FMN2: variants seen among roughly 807,000 people sequenced by gnomAD.
FMN2 encodes the protein formin-2.
A neutral mutation model predicts 142.3 loss-of-function variants in FMN2; 51 were observed. That is an observed-to-expected ratio of 0.36 (90% CI 0.29 to 0.45). FMN2 has a LOEUF of 0.45. Among genes scored for constraint, FMN2 ranks in the 20% least tolerant of loss-of-function variants. The pLI is 1.00. For missense variants in FMN2, 1,936 were observed against 2,122.8 expected (o/e 0.91, Z 1.73); for synonymous variants, 882 against 869.8 (o/e 1.01, Z -0.25).
chr1:240,380,619 G>A (rs1673191553), intron 14 of FMN2, among the ~76,000 whole-genome samples: 1 of 151,380 alleles, frequency 6.6e-6, no homozygotes, highest in Admixed American at 6.6e-5. Flanking sequence ...AGCATTAAAT[G>A]CCTACATAAA....
rs181487176 is a variant in FMN2, at chr1:240,213,142, T to C, written c.4065+1907T>C. 2.7e-3 allele frequency among the ~76,000 whole-genome samples: 414 copies of C among 152,356 alleles called. 3 individuals carry two copies. In the South Asian group the frequency reaches 0.027, roughly 10 times the overall value. ...TAGTTGGCATGAAGGGGTCTCAGCATATAAACAGTGCCTCTGTGTTGAGCA... is the reference window on the plus strand; with the variant it reads ...TAGTTGGCATGAAGGGGTCTCAGCACATAAACAGTGCCTCTGTGTTGAGCA... On this transcript the variant is annotated intron_variant, in intron 6 of 17. Transcript: ENST00000319653.
intron 16 of FMN2, among the ~76,000 whole-genome samples, chr1:240,461,527 T>C (rs1489713520): frequency 6.6e-6 from 1 of 152,194 alleles, no homozygotes; most frequent in African/African-American, 2.4e-5. Flanking sequence ...GCTTCTTCTG[T>C]GGGTGCTCTC....
intron 1 of FMN2, among the ~76,000 whole-genome samples, chr1:240,094,999 A>AT (rs1490900929): frequency 6.6e-6 from 1 of 151,978 alleles, no homozygotes; most frequent in Non-Finnish European, 1.5e-5. Flanking sequence ...ACATACTCTT[A>AT]TTTTTCTTCT....
At chr1:240,380,239 G>C (rs1325354425) in intron 14 of FMN2, among the ~76,000 whole-genome samples, 1 of 152,040 alleles carries the variant, frequency 6.6e-6, no homozygotes, top group Non-Finnish European at 1.5e-5. Flanking sequence ...TAGCCAAAAA[G>C]CAAGTTTCAA....
At position 240,210,135 on chromosome 1, in the gene FMN2, C is replaced by T. The variant is rs577399230; in HGVS notation, c.3921-956C>T. 2.0e-5 allele frequency among the ~76,000 whole-genome samples: 3 copies of T among 152,290 alleles called. No individual in the cohort carries two copies. The South Asian group carries it at 6.2e-4, about 32-fold the overall frequency. On this transcript the variant is annotated intron_variant, in intron 5 of 17. Transcript: ENST00000319653. ...ACTGATCATCATAAAAGAATACTTTCCACCAGGTATTCTGGTGGTACTTTA... is the reference window on the plus strand; with the variant it reads ...ACTGATCATCATAAAAGAATACTTTTCACCAGGTATTCTGGTGGTACTTTA...
rs1050725075 is a variant in FMN2, at chr1:240,177,738, C to T, written c.1783-183C>T. The T allele has an allele frequency of 1.1e-4, 44 of 412,562 alleles. No homozygotes were observed. In the East Asian group the frequency reaches 1.5e-3, roughly 14 times the overall value. The allele number at this position is 412,562 out of a possible 1,614,324, so 25.6% of individuals were successfully genotyped here. A position where few individuals can be genotyped will look rare whatever the true frequency, so the allele number is the denominator to read the frequency against. ...TGTGGTTATAAAGATAAAATGACTG[C>T]GTGAAAAAAATGTGTATCTTAGGAA... On this transcript the variant is annotated intron_variant, in intron 2 of 17. Coordinates refer to ENST00000319653, the MANE Select transcript of FMN2 (RefSeq NM_020066.5).
At chr1:240,232,740 AT>A (rs1667570628) in intron 6 of FMN2, among the ~76,000 whole-genome samples, 1 of 152,050 alleles carries the variant, frequency 6.6e-6, no homozygotes, top group Admixed American at 6.6e-5. Context: ...CATGTTTGCC[AT>A]TCTTGAGGTT....
chr1:240,434,149 A>G (rs1387093959), intron 15 of FMN2, among the ~76,000 whole-genome samples: 2 of 152,180 alleles, frequency 1.3e-5, no homozygotes, highest in African/African-American at 4.8e-5. Flanking sequence ...TGTTATTATA[A>G]TCATGCATTT....
chr1:240,288,805 T>C (rs933763876), intron 7 of FMN2, among the ~76,000 whole-genome samples: 12 of 151,750 alleles, frequency 7.9e-5, no homozygotes, highest in Admixed American at 1.3e-4. Flanking sequence ...AGAAACTGAG[T>C]CAGACTTCCA....
rs1676863992 is a variant in FMN2 at position 240,473,072 on chromosome 1, T to C, written c.5142+619T>C. Reference sequence around the variant, plus strand: ...TTTCACTTTCTTTGTTACACACAGATCACGGCAGAGGCTGTATTTGAGCCA... The same window carrying C: ...TTTCACTTTCTTTGTTACACACAGACCACGGCAGAGGCTGTATTTGAGCCA... On this transcript the variant is annotated intron_variant, in intron 17 of 17. Coordinates refer to ENST00000319653, the MANE Select transcript of FMN2 (RefSeq NM_020066.5). This position sits in a 1 kb window ranked among gnomAD's most constrained non-coding sequence, Gnocchi z 4.3. Among the ~76,000 whole-genome samples, 1 of 152,068 alleles carries C rather than the reference T, an allele frequency of 6.6e-6. No individual in the cohort carries two copies. The highest frequency in any genetic ancestry group is 1.5e-5 in the Non-Finnish European group (1 of 68,026).
chr1:240,207,459 C>T lies in FMN2; in HGVS notation c.2647C>T (p.Leu883Phe), dbSNP rs1666410689. ...LGMVPPPPPPLPGMTVPTLPS... is the reference protein window; with the variant it reads ...LGMVPPPPPPFPGMTVPTLPS... Reference sequence around the variant, plus strand: ...CATGGTGCCTCCCCCACCTCCCCCTCTCCCTGGCATGACAGTGCCTACTCT... The same window carrying T: ...CATGGTGCCTCCCCCACCTCCCCCTTTCCCTGGCATGACAGTGCCTACTCT... Residue 883 changes from leucine (L) to phenylalanine (F), a missense_variant, in exon 5 of 18, where the codon CTC becomes TTC. Leu to Phe is a conservative substitution (Grantham distance 22, BLOSUM62 0). Around this residue, in one of 8 missense-constraint regions of FMN2, gnomAD observed 478 missense variants for 462.8 expected, o/e 1.03. Transcript: ENST00000319653. 1 of 1,613,510 alleles carries T rather than the reference C, an allele frequency of 6.2e-7. No individual in the cohort carries two copies. Among genetic ancestry groups the T allele is most frequent in the Non-Finnish European group, 8.5e-7 (1 of 1,179,752 alleles).
chr1:240,128,865 A>G (rs1423782336), intron 2 of FMN2, among the ~76,000 whole-genome samples: 2 of 152,170 alleles, frequency 1.3e-5, no homozygotes, highest in African/African-American at 2.4e-5. Flanking sequence ...TATTATGTGC[A>G]TTTGAATTCA....
chr1:240,306,535 A>G lies in FMN2; in HGVS notation c.4215+11652A>G, dbSNP rs1383210456. On this transcript the variant is annotated intron_variant, in intron 8 of 17. Transcript: ENST00000319653. ...CATGTGATATGTTTCTGCATATGGA[A>G]TAACAGTCTCTAGCTGCATCCATGT... Among the ~76,000 whole-genome samples the G allele has an allele frequency of 4.6e-5, 7 of 152,290 alleles. No individual in the cohort carries two copies. In the East Asian group the frequency reaches 5.8e-4, roughly 13 times the overall value.
intron 3 of FMN2, among the ~76,000 whole-genome samples, chr1:240,184,071 T>C (rs11589266): frequency 0.19 from 29,476 of 151,918 alleles, 2,970 homozygotes; most frequent in Middle Eastern, 0.31. Context: ...CTGTCTTCTC[T>C]CTGTAAATAC....
At chr1:240,435,780 C>A (rs1469129296) in intron 15 of FMN2, among the ~76,000 whole-genome samples, 3 of 152,168 alleles carry the variant, frequency 2.0e-5, no homozygotes, top group Non-Finnish European at 2.9e-5. Context: ...TACCATACTA[C>A]CTCGTGATAA....
intron 14 of FMN2, among the ~76,000 whole-genome samples, chr1:240,370,773 C>G (rs1022188488): frequency 6.6e-6 from 1 of 152,158 alleles, no homozygotes; most frequent in African/African-American, 2.4e-5. Context: ...CACCGCCATT[C>G]TGTTACCGTA....
At chr1:240,361,901 A>G (rs1672498489) in intron 14 of FMN2, among the ~76,000 whole-genome samples, 1 of 152,232 alleles carries the variant, frequency 6.6e-6, no homozygotes, top group African/African-American at 2.4e-5. Flanking sequence ...GTTAGTAGTC[A>G]GGTAGATAGG....
At chr1:240,396,291 C>T (rs1277260904) in intron 15 of FMN2, among the ~76,000 whole-genome samples, 2 of 148,988 alleles carry the variant, frequency 1.3e-5, no homozygotes, top group Admixed American at 1.4e-4. Flanking sequence ...CCCACAATAT[C>T]TCCGAGGTTT....
At chr1:240,455,988 AATAATAATAAT>A (rs1676230570) in intron 16 of FMN2, among the ~76,000 whole-genome samples, 1 of 151,342 alleles carries the variant, frequency 6.6e-6, no homozygotes, top group African/African-American at 2.4e-5. Flanking sequence ...TAATAATAAT[AATAATAATAAT>A]AATAAGTTGC....
Sources: allele counts gnomAD v4.1 joint callset (sites outside exome capture counted in the v4.1 genomes callset), GRCh38; gene constraint gnomAD v4.1.1; regional missense constraint gnomAD v4.1.1; non-coding constraint Gnocchi (gnomAD v3.1); transcripts MANE v1.5; gene names NCBI Gene and HGNC (gene_info 2026-07-23, HGNC 2026-07-21).